DNAH3: variants seen among roughly 807,000 people sequenced by gnomAD.
DNAH3 encodes the protein dynein axonemal heavy chain 3, also known as axonemal beta dynein heavy chain 3.
Under a neutral mutation model 432.5 loss-of-function variants are expected in DNAH3, and 332 were observed. That is an observed-to-expected ratio of 0.77 (90% CI 0.70 to 0.84). The LOEUF is 0.84. Among genes scored for constraint, DNAH3 ranks in the 40% least tolerant of loss-of-function variants. The pLI, the probability that DNAH3 is intolerant of heterozygous loss-of-function variation, is 0.00. For synonymous variants in DNAH3, 1,956 were observed against 1,900.2 expected (o/e 1.03, Z -0.76); for missense variants, 4,861 against 5,114.0 (o/e 0.95, Z 1.51).
At chr16:21,093,395 C>T (rs1255643110) in intron 18 of DNAH3, among the ~76,000 whole-genome samples, 1 of 152,064 alleles carries the variant, frequency 6.6e-6, no homozygotes, top group Non-Finnish European at 1.5e-5. Flanking sequence ...ATGCTGAAAC[C>T]TGCAAAACAC....
At chr16:21,064,630 A>G (rs989548565) in intron 24 of DNAH3, among the ~76,000 whole-genome samples, 3 of 152,188 alleles carry the variant, frequency 2.0e-5, no homozygotes, top group African/African-American at 7.2e-5. Context: ...CAAATGGGTG[A>G]TCTCTATGGA....
intron 1 of DNAH3, among the ~76,000 whole-genome samples, chr16:21,148,236 C>T (rs924134341): frequency 1.3e-5 from 2 of 152,004 alleles, no homozygotes; most frequent in Non-Finnish European, 2.9e-5. Context: ...TAAATAACAA[C>T]AGAAAAACAA....
intron 57 of DNAH3, among the ~76,000 whole-genome samples, chr16:20,946,095 C>G (rs1024792770): frequency 9.2e-5 from 14 of 152,290 alleles, no homozygotes; most frequent in Middle Eastern, 3.4e-3. Flanking sequence ...CAGGCCATGA[C>G]GGGAAGTGGG....
intron 43 of DNAH3, among the ~76,000 whole-genome samples, chr16:20,998,245 T>G (rs1446421329): frequency 6.6e-6 from 1 of 151,954 alleles, no homozygotes; most frequent in Non-Finnish European, 1.5e-5. Flanking sequence ...GAGCTGGAGT[T>G]TTTTGTTTGT....
chr16:21,086,596 T>C (rs879787057), intron 19 of DNAH3, among the ~76,000 whole-genome samples: 1 of 152,170 alleles, frequency 6.6e-6, no homozygotes, highest in Non-Finnish European at 1.5e-5. Flanking sequence ...TTTGTGGTCA[T>C]TGGCTCGAAC....
At position 21,118,311 on chromosome 16, in the gene DNAH3, A is replaced by G. The variant is rs545314142; in HGVS notation, c.1700-994T>C. On this transcript the variant is annotated intron_variant, in intron 11 of 61. Coordinates refer to ENST00000261383, the Ensembl canonical transcript of DNAH3. ...TACTTCTCTGAATCCCCATTTTCTC[A>G]TCTGTAAAAAAGAAGAGATGTACTA... is the stretch of plus-strand genomic sequence containing the variant. 8.5e-5 allele frequency among the ~76,000 whole-genome samples: 13 copies of G among 152,228 alleles called. No individual in the cohort carries two copies. In the South Asian group the frequency reaches 2.7e-3, roughly 32 times the overall value.
At chr16:21,018,878 G>C (rs2087996546) in intron 41 of DNAH3, among the ~76,000 whole-genome samples, 1 of 150,310 alleles carries the variant, frequency 6.7e-6, no homozygotes, top group African/African-American at 2.5e-5. Flanking sequence ...AGGAGCAAGA[G>C]AGCAACACTC....
At chr16:21,022,534 C>G (rs2088295549) in intron 39 of DNAH3, among the ~76,000 whole-genome samples, 3 of 152,102 alleles carry the variant, frequency 2.0e-5, no homozygotes, top group Non-Finnish European at 2.9e-5. Flanking sequence ...AAAGAGAGTA[C>G]AGAGCTAATT....
exon 62 of DNAH3, chr16:20,933,485 A>G (rs1478822237): frequency 3.1e-6 from 5 of 1,600,484 alleles, no homozygotes; most frequent in Non-Finnish European, 3.4e-6. Context: ...GTTATTCTCC[A>G]TCACTGTTTC....
chr16:20,952,701 G>A (rs1397171670), intron 55 of DNAH3, 152 bp from the exon 56 acceptor site: 10 of 584,470 alleles, frequency 1.7e-5, no homozygotes, highest in Admixed American at 5.5e-5. Context: ...TAGCCTGGAC[G>A]TTTACCACCA....
intron 23 of DNAH3, among the ~76,000 whole-genome samples, chr16:21,068,329 G>T (rs1017911767): frequency 2.2e-5 from 3 of 136,792 alleles, no homozygotes; most frequent in East Asian, 2.3e-4. Context: ...TTTGGGTGGG[G>T]GGGGGGACAG....
chr16:21,055,950 C>T (rs1162174987), intron 27 of DNAH3, among the ~76,000 whole-genome samples: 1 of 152,096 alleles, frequency 6.6e-6, no homozygotes, highest in Non-Finnish European at 1.5e-5. Flanking sequence ...GTTGCCCAGG[C>T]TGGTCTTGAA....
chr16:21,083,724 C>T (rs1166325884), intron 19 of DNAH3, among the ~76,000 whole-genome samples: 1 of 152,178 alleles, frequency 6.6e-6, no homozygotes, highest in Non-Finnish European at 1.5e-5. Context: ...CCAGAGCTAG[C>T]ATCTGTGGCA....
intron 1 of DNAH3, among the ~76,000 whole-genome samples, chr16:21,153,456 C>A (rs557406322): frequency 6.6e-6 from 1 of 152,292 alleles, no homozygotes; most frequent in Non-Finnish European, 1.5e-5. Flanking sequence ...CCAATCAGCA[C>A]CCTGTCAAAA....
At chr16:20,997,601 T>C (rs1221089163) in intron 43 of DNAH3, 139 bp from the exon 44 acceptor site, 2 of 951,928 alleles carry the variant, frequency 2.1e-6, no homozygotes, top group Non-Finnish European at 3.1e-6. Context: ...GCTTAGTCAA[T>C]GGATGCCCTG....
intron 31 of DNAH3, among the ~76,000 whole-genome samples, chr16:21,048,996 G>T (rs1053088674): frequency 6.6e-6 from 1 of 150,512 alleles, no homozygotes; most frequent in Non-Finnish European, 1.5e-5. Context: ...GCTCAGCCAA[G>T]ACTTTTTTTT....
chr16:21,050,384 A>C (rs1052570426), intron 29 of DNAH3, among the ~76,000 whole-genome samples: 1 of 152,230 alleles, frequency 6.6e-6, no homozygotes, highest in African/African-American at 2.4e-5. Flanking sequence ...TCTACATTCC[A>C]AAGATCACCA....
At chr16:21,157,703 A>G (rs1324638271) in intron 1 of DNAH3, among the ~76,000 whole-genome samples, 1 of 152,194 alleles carries the variant, frequency 6.6e-6, no homozygotes, top group Non-Finnish European at 1.5e-5. Flanking sequence ...CGGTCAACAC[A>G]GGTCCCTGTC....
At chr16:20,991,483 C>A (rs1463598824) in intron 44 of DNAH3, among the ~76,000 whole-genome samples, 1 of 152,134 alleles carries the variant, frequency 6.6e-6, no homozygotes, top group Non-Finnish European at 1.5e-5. Flanking sequence ...AGGCTGGTCT[C>A]AAACTCCTGA....
Sources: allele counts gnomAD v4.1 joint callset (sites outside exome capture counted in the v4.1 genomes callset), GRCh38; gene constraint gnomAD v4.1.1; transcripts MANE v1.5; gene names NCBI Gene and HGNC (gene_info 2026-07-23, HGNC 2026-07-21).